Variants in CDH1 observed in about 807,000 individuals in gnomAD.
CDH1 encodes the protein cadherin-1.
In CDH1, 35 loss-of-function variants were observed where a neutral mutation model predicts 84.5. The observed-to-expected ratio is 0.41, with a 90% CI of 0.32 to 0.55. CDH1 has a LOEUF of 0.55. Among genes scored for constraint, CDH1 ranks in the 20% least tolerant of loss-of-function variants. CDH1 has a pLI of 0.19. For synonymous variants in CDH1, 417 were observed against 439.0 expected, an observed-to-expected ratio of 0.95 and a Z score of 0.63; for missense variants, 994 against 1,126.6, an observed-to-expected ratio of 0.88 and a Z score of 1.68.
chr16:68,786,049 C>T (rs1232142813), intron 2 of CDH1, among the ~76,000 whole-genome samples: 1 of 152,204 alleles, frequency 6.6e-6, no homozygotes, highest in Admixed American at 6.5e-5. Context: ...AGCAACAGTA[C>T]CACAGCATCT....
At chr16:68,807,352 G>C (rs36064319) in intron 3 of CDH1, among the ~76,000 whole-genome samples, 1,974 of 152,166 alleles carry the variant, frequency 0.013, 52 homozygotes, top group African/African-American at 0.046. Context: ...ATAACTCCAC[G>C]TTGAGGACCT....
chr16:68,830,100 A>G (rs536003876), intron 15 of CDH1, among the ~76,000 whole-genome samples: 46 of 150,940 alleles, frequency 3.0e-4, no homozygotes, highest in African/African-American at 1.1e-3. Context: ...GATTACAGGC[A>G]TGCACCACCA....
At chr16:68,795,902 G>A (rs756780597) in intron 2 of CDH1, among the ~76,000 whole-genome samples, 5 of 151,548 alleles carry the variant, frequency 3.3e-5, no homozygotes, top group Non-Finnish European at 5.9e-5. Context: ...GGTGGCTTAT[G>A]CCTGTAATCC....
intron 3 of CDH1, among the ~76,000 whole-genome samples, chr16:68,806,122 A>ATATTTCTTTATTTATT (rs568657223): frequency 6.9e-6 from 1 of 144,434 alleles, no homozygotes; most frequent in African/African-American, 2.6e-5. Flanking sequence ...TAATTTTTGT[A>ATATTTCTTTATTTATT]TATTTATTTA....
intron 2 of CDH1, among the ~76,000 whole-genome samples, chr16:68,749,124 A>G (rs1962824004): frequency 1.3e-5 from 2 of 152,360 alleles, no homozygotes; most frequent in African/African-American, 2.4e-5. Flanking sequence ...GGCATGAGCC[A>G]CCGTGCCCTA....
At chr16:68,790,803 C>T (rs777726479) in intron 2 of CDH1, among the ~76,000 whole-genome samples, 3 of 152,120 alleles carry the variant, frequency 2.0e-5, no homozygotes, top group Non-Finnish European at 4.4e-5. Context: ...AGCAGAGAAG[C>T]AACCCCAGCT....
rs753584564 is a variant in CDH1 at position 68,808,769 on chromosome 16, G to A, written c.608G>A (p.Gly203Asp). Residue 203 changes from glycine (G) to aspartate (D), a missense_variant, in exon 5 of 16, where the codon GGT (glycine) becomes GAT (aspartate). Coordinates refer to ENST00000261769, the MANE Select transcript of CDH1 (RefSeq NM_004360.5). Reference sequence around the variant, plus strand: ...CAAGGAGCTGACACACCCCCTGTTGGTGTCTTTATTATTGAAAGAGAAACA... The same window carrying A: ...CAAGGAGCTGACACACCCCCTGTTGATGTCTTTATTATTGAAAGAGAAACA... The part of the protein sequence containing the change: ...TGQGADTPPV[G>D]VFIIERETGW... The A allele has an allele frequency of 3.1e-6, 5 of 1,614,158 alleles. No individual in the cohort carries two copies. The highest frequency in any genetic ancestry group is 1.7e-5 in the Admixed American group (1 of 60,014).
At chr16:68,786,522 TTTTTTTTTTTTC>T (rs1433698806) in intron 2 of CDH1, among the ~76,000 whole-genome samples, 1 of 134,576 alleles carries the variant, frequency 7.4e-6, no homozygotes, top group Non-Finnish European at 1.6e-5. Context: ...TCTGCTTTCT[TTTTTTTTTTTTC>T]TTTTTTTTTT....
At chr16:68,767,219 C>G (rs1959417537) in intron 2 of CDH1, among the ~76,000 whole-genome samples, 2 of 151,370 alleles carry the variant, frequency 1.3e-5, no homozygotes, top group South Asian at 4.2e-4. Flanking sequence ...TCCCCTGAGA[C>G]AGTCTCGCTC....
At chr16:68,816,997 T>A (rs1411988721) in intron 10 of CDH1, among the ~76,000 whole-genome samples, 4 of 152,220 alleles carry the variant, frequency 2.6e-5, no homozygotes, top group Non-Finnish European at 5.9e-5. Context: ...AAGCATCTCC[T>A]GGGGCAGATT....
chr16:68,788,737 G>A (rs943044139), intron 2 of CDH1, among the ~76,000 whole-genome samples: 5 of 152,082 alleles, frequency 3.3e-5, no homozygotes, highest in East Asian at 3.8e-4. Context: ...GGTGGCTCAC[G>A]CCTGTAATCT....
chr16:68,738,521 C>T (rs543643532), intron 2 of CDH1, 110 bp downstream of exon 2: 11 of 663,444 alleles, frequency 1.7e-5, no homozygotes, highest in Admixed American at 1.1e-4. Flanking sequence ...CCCTCCTTGG[C>T]TCAAACGACA....
chr16:68,793,085 C>T (rs1311368441), intron 2 of CDH1, among the ~76,000 whole-genome samples: 1 of 152,166 alleles, frequency 6.6e-6, no homozygotes, highest in Non-Finnish European at 1.5e-5. Context: ...CCGCAGCTGC[C>T]ACCCTGAGAG....
chr16:68,754,822 T>G (rs977087645), intron 2 of CDH1, among the ~76,000 whole-genome samples: 2 of 152,174 alleles, frequency 1.3e-5, no homozygotes, highest in African/African-American at 4.8e-5. Flanking sequence ...TCATGGAATT[T>G]CTCTTCTAAT....
intron 13 of CDH1, among the ~76,000 whole-genome samples, chr16:68,826,168 T>C (rs1358228984): frequency 6.6e-6 from 1 of 151,988 alleles, no homozygotes; most frequent in Non-Finnish European, 1.5e-5. Context: ...TTTTTTTAAA[T>C]AGGATTACCT....
Position 68,819,229 on chromosome 16 carries a change from A to G in CDH1, c.1566-51A>G, listed in dbSNP as rs750391276. ...AGAAGCGCTTAAGCCGTTTTCAGCT[A>G]CATGTTGTTTGCTGGTCCTATTCTA... On this transcript the variant is annotated intron_variant, in intron 10 of 15. Coordinates refer to ENST00000261769, the MANE Select transcript of CDH1 (RefSeq NM_004360.5). 5.0e-6 allele frequency: 8 copies of G among 1,609,112 alleles called. No individual in the cohort carries two copies. In the South Asian group the frequency reaches 6.6e-5, roughly 13 times the overall value.
rs981122290 is a variant in CDH1, at chr16:68,815,383, C to G, written c.1321-132C>G. 1.9e-5 allele frequency: 22 copies of G among 1,169,060 alleles called. 1 individual carries two copies. Among genetic ancestry groups the G allele is most frequent in the Non-Finnish European group, 2.5e-5 (21 of 830,866 alleles). 72.4% of individuals were successfully genotyped at this position (1,169,060 alleles called of 1,614,324 possible). ...AATTGTGGTTTCTGCCATTGAAAGT[C>G]ATGGCAGAAACCACAGTTACTTTTG... is the stretch of plus-strand genomic sequence containing the variant. On this transcript the variant is annotated intron_variant, in intron 9 of 15. Coordinates refer to ENST00000261769, the MANE Select transcript of CDH1 (RefSeq NM_004360.5).
At chr16:68,811,268 A>G (rs1019479972) in intron 6 of CDH1, among the ~76,000 whole-genome samples, 4 of 151,468 alleles carry the variant, frequency 2.6e-5, no homozygotes, top group African/African-American at 9.7e-5. Context: ...GTGGCGACGC[A>G]TGCCTATAAT....
chr16:68,794,248 C>G (rs777321309), intron 2 of CDH1, among the ~76,000 whole-genome samples: 41 of 151,974 alleles, frequency 2.7e-4, no homozygotes, highest in Non-Finnish European at 4.9e-4. Flanking sequence ...GCTATATTGC[C>G]TAGGGTGGTC....
Sources: allele counts gnomAD v4.1 joint callset (sites outside exome capture counted in the v4.1 genomes callset), GRCh38; gene constraint gnomAD v4.1.1; transcripts MANE v1.5; gene names NCBI Gene and HGNC (gene_info 2026-07-23, HGNC 2026-07-21).